The following TMEM135 variants were observed in gnomAD, a reference collection of about 807,000 sequenced individuals.
The protein encoded by TMEM135 is transmembrane protein 135.
A neutral mutation model predicts 60.3 loss-of-function variants in TMEM135; 30 were observed. The observed-to-expected ratio is 0.50, with a 90% CI of 0.37 to 0.68. TMEM135 has a LOEUF of 0.68. TMEM135 is among the 30% of genes least tolerant of loss of function. The pLI, the probability that TMEM135 is intolerant of heterozygous loss-of-function variation, is 0.00. For synonymous variants in TMEM135, 190 were observed against 186.7 expected, an observed-to-expected ratio of 1.02 and a Z score of -0.14; for missense variants, 468 against 548.8, an observed-to-expected ratio of 0.85 and a Z score of 1.47.
At chr11:87,160,292 A>T (rs1237001143) in intron 5 of TMEM135, among the ~76,000 whole-genome samples, 6 of 152,180 alleles carry the variant, frequency 3.9e-5, no homozygotes, top group Non-Finnish European at 8.8e-5. Flanking sequence ...CGCTCTCTGA[A>T]AGTAAGATAG....
chr11:87,188,217 C>T (rs1218538065), intron 5 of TMEM135, among the ~76,000 whole-genome samples: 1 of 152,048 alleles, frequency 6.6e-6, no homozygotes, highest in Non-Finnish European at 1.5e-5. Context: ...ATACGCCACC[C>T]CTCAATCTCA....
chr11:87,189,943 A>T (rs1939758182), intron 5 of TMEM135, among the ~76,000 whole-genome samples: 1 of 152,086 alleles, frequency 6.6e-6, no homozygotes, highest in African/African-American at 2.4e-5. Context: ...GAATGAATAA[A>T]TAAATAAATA....
chr11:87,166,206 C>T (rs984936682), intron 5 of TMEM135, among the ~76,000 whole-genome samples: 7 of 151,536 alleles, frequency 4.6e-5, no homozygotes, highest in Non-Finnish European at 1.0e-4. Context: ...TAAGTATTAG[C>T]CCCTTGTTAG....
At chr11:87,261,235 C>G (rs1212302206) in intron 6 of TMEM135, among the ~76,000 whole-genome samples, 1 of 152,138 alleles carries the variant, frequency 6.6e-6, no homozygotes, top group Non-Finnish European at 1.5e-5. Context: ...CTCCCTCTTC[C>G]TTTCTTCTCA....
rs553726426 is a variant in TMEM135 at position 87,053,380 on chromosome 11, A to T, written c.142-14314A>T. Among the ~76,000 whole-genome samples, 190 of 152,032 alleles carry T rather than the reference A, an allele frequency of 1.2e-3. 2 individuals carry two copies. Among genetic ancestry groups the T allele is most frequent in the Non-Finnish European group, 1.8e-3 (121 of 68,022 alleles). On this transcript the variant is annotated intron_variant, in intron 1 of 14. Coordinates refer to ENST00000305494, the MANE Select transcript of TMEM135 (RefSeq NM_022918.4). Reference sequence around the variant, plus strand: ...CTGGAATGCAGACTTATGTTGTATAAATCTATCTGTATAAGCTTTGGAAGT... The same window carrying T: ...CTGGAATGCAGACTTATGTTGTATATATCTATCTGTATAAGCTTTGGAAGT...
chr11:87,222,825 GA>G (rs146758484), intron 5 of TMEM135, among the ~76,000 whole-genome samples: 11 of 131,904 alleles, frequency 8.3e-5, no homozygotes, highest in African/African-American at 2.6e-4. Flanking sequence ...AAGAAAGAAA[GA>G]AAAAAAAATC....
intron 6 of TMEM135, among the ~76,000 whole-genome samples, chr11:87,238,182 G>A (rs1301696349): frequency 6.6e-6 from 1 of 151,814 alleles, no homozygotes; most frequent in African/African-American, 2.4e-5. Context: ...TATATACCCA[G>A]CAGTGGGATT....
At chr11:87,083,754 T>C (rs553357898) in intron 3 of TMEM135, among the ~76,000 whole-genome samples, 2 of 152,312 alleles carry the variant, frequency 1.3e-5, no homozygotes, top group South Asian at 4.1e-4. Flanking sequence ...TGCTCTAGAT[T>C]AGAAATTTAT....
chr11:87,096,597 A>G (rs1341552185), intron 4 of TMEM135: 2 of 152,228 alleles, frequency 1.3e-5, no homozygotes, highest in East Asian at 1.9e-4. Flanking sequence ...TTTTTTGAAT[A>G]CTGATACAGG....
Position 87,163,351 on chromosome 11 carries a change from T to A in TMEM135, c.462+5945T>A, listed in dbSNP as rs868606226. Among the ~76,000 whole-genome samples the A allele has an allele frequency of 4.1e-4, 59 of 144,858 alleles. No individual in the cohort carries two copies. In the Middle Eastern group the frequency reaches 0.01, roughly 26 times the overall value. On this transcript the variant is annotated intron_variant, in intron 5 of 14. Coordinates refer to ENST00000305494, the MANE Select transcript of TMEM135 (RefSeq NM_022918.4). ...TGATTTCCAATTTCATCCATGTCCC[T>A]ACAAAGGACATGAACTCATCATTTT...
intron 6 of TMEM135, among the ~76,000 whole-genome samples, chr11:87,254,965 C>A (rs529203579): frequency 2.0e-5 from 3 of 152,114 alleles, no homozygotes; most frequent in African/African-American, 7.2e-5. Context: ...CATAGGGAGA[C>A]CCCATCCCTA....
chr11:87,157,653 T>C (rs1396016503), intron 5 of TMEM135: 1 of 395,746 alleles, frequency 2.5e-6, no homozygotes, highest in Non-Finnish European at 4.6e-6. Context: ...TCTTAAAAAA[T>C]GACATTTTAT....
intron 6 of TMEM135, among the ~76,000 whole-genome samples, chr11:87,285,219 A>C (rs1363134482): frequency 6.6e-6 from 1 of 152,242 alleles, no homozygotes; most frequent in Non-Finnish European, 1.5e-5. Flanking sequence ...TCTATACTTG[A>C]AAATGGGTTG....
chr11:87,075,249 C>G (rs962580200), intron 3 of TMEM135, among the ~76,000 whole-genome samples: 5 of 151,754 alleles, frequency 3.3e-5, no homozygotes, highest in Admixed American at 6.6e-5. Context: ...AGCTCCGCCT[C>G]CCGGGTTCAC....
At chr11:87,143,029 A>G (rs1235509818) in intron 4 of TMEM135, among the ~76,000 whole-genome samples, 2 of 151,866 alleles carry the variant, frequency 1.3e-5, no homozygotes, top group Admixed American at 1.3e-4. Flanking sequence ...ATCTTCTTCA[A>G]ATTAGAAATT....
chr11:87,176,740 A>T (rs1219652571), intron 5 of TMEM135, among the ~76,000 whole-genome samples: 1 of 152,140 alleles, frequency 6.6e-6, no homozygotes. Flanking sequence ...TTTTAGCCTA[A>T]TGGCTGGGAT....
At chr11:87,287,654 C>T (rs1268630094) in intron 6 of TMEM135, among the ~76,000 whole-genome samples, 1 of 151,984 alleles carries the variant, frequency 6.6e-6, no homozygotes, top group Non-Finnish European at 1.5e-5. Context: ...TCCAGCCTGG[C>T]GACAGAGTGA....
chr11:87,229,906 T>C (rs1374100289), intron 5 of TMEM135, among the ~76,000 whole-genome samples: 1 of 152,138 alleles, frequency 6.6e-6, no homozygotes, highest in East Asian at 1.9e-4. Flanking sequence ...CATGCATTAC[T>C]TTTTTTGTAT....
At chr11:87,304,225 G>T (rs963606242) in intron 8 of TMEM135, among the ~76,000 whole-genome samples, 2 of 152,098 alleles carry the variant, frequency 1.3e-5, no homozygotes, top group Admixed American at 1.3e-4. Flanking sequence ...TTAAAAATTA[G>T]CTAGGATTGA....
Sources: gnomAD v4.1 joint callset for allele counts (sites outside exome capture counted in the v4.1 genomes callset) on GRCh38, gnomAD v4.1.1 for gene constraint, MANE v1.5 for transcripts, NCBI Gene and HGNC (gene_info 2026-07-23, HGNC 2026-07-21) for gene names.